The following GLS2 variants were observed in gnomAD, a reference collection of about 807,000 sequenced individuals.
The protein encoded by GLS2 is glutaminase liver isoform, mitochondrial.
A neutral mutation model predicts 79.0 loss-of-function variants in GLS2; 52 were observed. That is an observed-to-expected ratio of 0.66 (90% CI 0.53 to 0.83). GLS2 has a LOEUF of 0.83. Among genes scored for constraint, GLS2 ranks in the 40% least tolerant of loss-of-function variants. GLS2 has a pLI of 0.00. For synonymous variants in GLS2, 238 were observed against 280.8 expected (o/e 0.85, Z 1.52); for missense variants, 561 against 764.8 (o/e 0.73, Z 3.14).
rs1189041730 is a variant in GLS2, at chr12:56,473,268, G to A, written c.1409C>T (p.Ala470Val). The part of the protein sequence containing the change: ...FHNYDNLRHC[A>V]RKLDPRREGA... ...TTCACGCCGTGGGTCTAACTTCCGAGCACAGTGCCTCAGGTTGTCATAGTT... is the reference window on the plus strand; with the variant it reads ...TTCACGCCGTGGGTCTAACTTCCGAACACAGTGCCTCAGGTTGTCATAGTT... Residue 470 changes from alanine to valine, a missense_variant, in exon 14 of 18, where the codon GCT (alanine) becomes GTT (valine). Ala to Val is a moderately conservative substitution (Grantham distance 64). Around this residue, in one of 4 missense-constraint regions of GLS2, gnomAD observed 136 missense variants for 228.6 expected, o/e 0.59. Coordinates refer to ENST00000311966, the MANE Select transcript of GLS2 (RefSeq NM_013267.4). 1.9e-6 allele frequency: 3 copies of A among 1,613,976 alleles called. No individual in the cohort carries two copies. Among genetic ancestry groups the A allele is most frequent in the South Asian group, 2.2e-5 (2 of 91,084 alleles).
rs1282054515 is a variant in GLS2 at position 56,478,067 on chromosome 12, A to G, written c.644T>C (p.Phe215Ser). ...GGGCTTCACACAGGACTGCAGGCAG[A>G]AGGGGATCTTTGTGTGGCCCACAGA... ...RHSVGHTKIP[F>S]CLQSCVKPLT... The change falls in exon 6 of 18, where the codon TTC becomes TCC. Residue 215 changes from phenylalanine to serine, a missense_variant. Transcript: ENST00000311966. The G allele has an allele frequency of 1.2e-6, 2 of 1,614,184 alleles. No individual in the cohort carries two copies. Among genetic ancestry groups the G allele is most frequent in the Non-Finnish European group, 1.7e-6 (2 of 1,180,008 alleles).
At chr12:56,483,510 A>G (rs906718121) in intron 1 of GLS2, among the ~76,000 whole-genome samples, 29 of 152,248 alleles carry the variant, frequency 1.9e-4, no homozygotes, top group Non-Finnish European at 4.1e-4. Context: ...GTGTGCTCTA[A>G]GAATTGATAT....
At position 56,477,641 on chromosome 12, in the gene GLS2, A is replaced by G; in HGVS notation, c.837+19T>C. ...AGCTTAGAGGATAATACCTATCAGA[A>G]GGTTAAGGTGGCACTGACCTTGATC... is the stretch of plus-strand genomic sequence containing the variant. On this transcript the variant is annotated intron_variant, in intron 7 of 17. Coordinates refer to ENST00000311966, the MANE Select transcript of GLS2 (RefSeq NM_013267.4). 6.2e-7 allele frequency: 1 copy of G among 1,609,374 alleles called. No individual in the cohort carries two copies. The highest frequency in any genetic ancestry group is 8.5e-7 in the Non-Finnish European group (1 of 1,176,928).
In GLS2 at chr12:56,471,363, C is replaced by G; in HGVS notation, c.*124G>C. On this transcript the variant is annotated 3_prime_UTR_variant, in exon 18 of 18. Transcript: ENST00000311966. The stretch of plus-strand genomic sequence containing the variant: ...TCCCATAGAAAGCACTAGCCTAAGT[C>G]ACCAAATGACTGCTTGGTCCCCACT... 1 of 1,060,264 alleles carries G rather than the reference C, an allele frequency of 9.4e-7. No homozygotes were observed. 65.7% of individuals were successfully genotyped at this position (1,060,264 alleles called of 1,614,324 possible). A position where few individuals can be genotyped will look rare whatever the true frequency, so the allele number is the denominator to read the frequency against.
At chr12:56,474,255 A>C in intron 12 of GLS2, 1 of 376,546 alleles carries the variant, frequency 2.7e-6, no homozygotes, top group Non-Finnish European at 5.0e-6. Context: ...ACCCCCGGCT[A>C]ATTTTTTGTA....
rs1466987431 is a variant in GLS2, at chr12:56,475,642, A to T, written c.911T>A (p.Met304Lys). 3.1e-6 allele frequency: 5 copies of T among 1,613,976 alleles called. No individual in the cohort carries two copies. The highest frequency in any genetic ancestry group is 1.7e-5 in the Admixed American group (1 of 59,988). Reference protein sequence around the residue: ...YLNKMAGNEYMGFSNATFQSE... With the variant: ...YLNKMAGNEYKGFSNATFQSE... ...GACTTACGTGGCATTGCTGAAACCC[A>T]TGTATTCATTCCCAGCCATTTTGTT... is the stretch of plus-strand genomic sequence containing the variant. Residue 304 changes from methionine to lysine, a missense_variant, in exon 9 of 18, where the codon ATG becomes AAG. Physicochemically the swap from Met to Lys is moderately conservative, Grantham distance 95. This residue lies in a region of GLS2 where 221 missense variants were observed against 275.6 expected (regional missense o/e 0.80). Coordinates refer to ENST00000311966, the MANE Select transcript of GLS2 (RefSeq NM_013267.4).
intron 12 of GLS2, 106 bp from the exon 13 acceptor site, chr12:56,473,700 CA>C: frequency 7.3e-7 from 1 of 1,368,174 alleles, no homozygotes; most frequent in Admixed American, 2.7e-5. Context: ...TGCATGACCA[CA>C]ATCCACCTCA....
In GLS2 at chr12:56,477,926, T is replaced by G; in HGVS notation, c.778+7A>C. The G allele has an allele frequency of 6.2e-7, 1 of 1,611,114 alleles. No homozygotes were observed. Among genetic ancestry groups the G allele is most frequent in the Non-Finnish European group, 8.5e-7 (1 of 1,178,272 alleles). On this transcript the variant is annotated splice_region_variant and intron_variant, in intron 6 of 17. Coordinates refer to ENST00000311966, the MANE Select transcript of GLS2 (RefSeq NM_013267.4). ...GTAAGTACGGTCTGAGCCTTGGTAG[T>G]GCTCACCTTCCTCATTGAGGGAGAG...
chr12:56,475,881 C>T, intron 8 of GLS2, 64 bp downstream of exon 8: 1 of 1,568,400 alleles, frequency 6.4e-7, no homozygotes, highest in Non-Finnish European at 8.8e-7. Flanking sequence ...GCCACTGGGG[C>T]AGCTGGAGAG....
chr12:56,473,113 T>C (rs1029923520), intron 14 of GLS2, 115 bp downstream of exon 14: 1 of 912,538 alleles, frequency 1.1e-6, no homozygotes, highest in Non-Finnish European at 1.7e-6. Flanking sequence ...ATGGTCTTGA[T>C]CTCCTGACCT....
intron 7 of GLS2, 188 bp from the exon 8 acceptor site, chr12:56,476,165 C>CT (rs34325581): frequency 0.59 from 313,750 of 530,308 alleles, 96,824 homozygotes; most frequent in Admixed American, 0.7. Flanking sequence ...CTTTCTCTTT[C>CT]TTTTTTTTGA....
rs891425134 is a variant in GLS2 at position 56,471,043 on chromosome 12, G to A, written c.*444C>T. ...AGTAGCAGCAGCATGTCCTGGCCAA[G>A]GGGAGTAGATTTCTCCAGACTACTA... On this transcript the variant is annotated 3_prime_UTR_variant, in exon 18 of 18. Transcript: ENST00000311966. 1.1e-5 allele frequency: 3 copies of A among 271,956 alleles called. No homozygotes were observed. The highest frequency in any genetic ancestry group is 1.7e-4 in the South Asian group (1 of 5,916). The allele number at this position is 271,956 out of a possible 1,614,324, so 16.8% of individuals were successfully genotyped here. A position where few individuals can be genotyped will look rare whatever the true frequency, so the allele number is the denominator to read the frequency against.
intron 1 of GLS2, among the ~76,000 whole-genome samples, chr12:56,486,153 TCA>T (rs1287539866): frequency 6.6e-6 from 1 of 152,124 alleles, no homozygotes; most frequent in Non-Finnish European, 1.5e-5. Context: ...CATCATGGTG[TCA>T]CACTGCCAGA....
rs1431880212 is a variant in GLS2 at position 56,472,550 on chromosome 12, T to TA, written c.1511+139dup. On this transcript the variant is annotated intron_variant, in intron 15 of 17. Transcript: ENST00000311966. The stretch of plus-strand genomic sequence containing the variant: ...TTTTTTTAAAAAAAATCTCCTTTTT[T>TA]AAAAAAATTTCATTTAAATGCAATC... 46 of 755,708 alleles carry TA rather than the reference T, an allele frequency of 6.1e-5. 1 individual carries two copies. The highest frequency in any genetic ancestry group is 9.7e-5 in the Non-Finnish European group (45 of 464,550). 46.8% of individuals were successfully genotyped at this position (755,708 alleles called of 1,614,324 possible).
chr12:56,475,814 A>G (rs1372362125), intron 8 of GLS2, 131 bp downstream of exon 8: 4 of 1,408,710 alleles, frequency 2.8e-6, no homozygotes, highest in African/African-American at 1.4e-5. Flanking sequence ...AGATTTCCAC[A>G]TTTCTGGAAA....
chr12:56,481,333 G>A (rs1870280043), intron 1 of GLS2, among the ~76,000 whole-genome samples: 1 of 150,826 alleles, frequency 6.6e-6, no homozygotes, highest in Non-Finnish European at 1.5e-5. Context: ...AGCCTCCTGA[G>A]TAGCTGGGAT....
intron 1 of GLS2, among the ~76,000 whole-genome samples, chr12:56,486,064 T>C (rs1291485535): frequency 6.7e-6 from 1 of 148,962 alleles, no homozygotes; most frequent in African/African-American, 2.5e-5. Flanking sequence ...AGCTAAATAT[T>C]AAACAAACAA....
chr12:56,482,239 ATAAAG>A (rs1870356975), intron 1 of GLS2, among the ~76,000 whole-genome samples: 3 of 152,260 alleles, frequency 2.0e-5, no homozygotes, highest in Admixed American at 6.5e-5. Context: ...TAAAAAAAAA[ATAAAG>A]TAAAATAAAT....
chr12:56,473,502 G>A lies in GLS2; in HGVS notation c.1317C>T (p.Asp439=). The A allele has an allele frequency of 6.2e-7, 1 of 1,613,936 alleles. No individual in the cohort carries two copies. The highest frequency in any genetic ancestry group is 8.5e-7 in the Non-Finnish European group (1 of 1,179,992). Residue 439 remains aspartate, a synonymous_variant, in exon 13 of 18, where the codon GAC becomes GAT. Coordinates refer to ENST00000311966, the MANE Select transcript of GLS2 (RefSeq NM_013267.4). The part of the protein sequence containing the change: ...MGMMCLSPPL[D]KLGNSHRGTS... ...TCCCCCTATGGCTGTTCCCCAGCTT[G>A]TCCAATGGGGGTGACAGGCACATCA...
Sources: allele counts gnomAD v4.1 joint callset (sites outside exome capture counted in the v4.1 genomes callset), GRCh38; gene constraint gnomAD v4.1.1; regional missense constraint gnomAD v4.1.1; transcripts MANE v1.5; gene names NCBI Gene and HGNC (gene_info 2026-07-23, HGNC 2026-07-21).